Variants in TNRC6A observed in about 807,000 individuals in gnomAD.
The protein encoded by TNRC6A is trinucleotide repeat containing adaptor 6A.
A neutral mutation model predicts 221.2 loss-of-function variants in TNRC6A; 44 were observed. The ratio of observed to expected loss-of-function variants is 0.20; its 90% CI spans 0.16 to 0.26. TNRC6A has a LOEUF of 0.26. TNRC6A is among the 10% of genes least tolerant of loss of function. TNRC6A has a pLI of 1.00. For missense variants in TNRC6A, 2,199 were observed against 2,404.4 expected (o/e 0.91, Z 1.79); for synonymous variants, 847 against 838.5 (o/e 1.01, Z -0.18).
intron 2 of TNRC6A, among the ~76,000 whole-genome samples, chr16:24,702,976 A>C (rs2056018145): frequency 6.6e-6 from 1 of 152,080 alleles, no homozygotes; most frequent in Non-Finnish European, 1.5e-5. Context: ...CAGAGCTTGC[A>C]GTGAGCCGAG....
Position 24,682,727 on chromosome 16 carries a change from C to T in TNRC6A, n.402+41718C>T, listed in dbSNP as rs368546835. ...AAATGTGACTTTAAGGCAGCCAGCACGCAGAATGACCGCAGAGAAGCAGCC... is the reference window on the plus strand; with the variant it reads ...AAATGTGACTTTAAGGCAGCCAGCATGCAGAATGACCGCAGAGAAGCAGCC... On this transcript the variant is annotated intron_variant and non_coding_transcript_variant, in intron 2 of 2. Coordinates refer to the TNRC6A transcript ENST00000566108. 9.7e-4 allele frequency among the ~76,000 whole-genome samples: 147 copies of T among 152,142 alleles called. 1 individual carries two copies. Among genetic ancestry groups the T allele is most frequent in the Middle Eastern group, 3.4e-3 (1 of 294 alleles).
chr16:24,632,371 G>A (rs552374441), intron 1 of TNRC6A, among the ~76,000 whole-genome samples: 12 of 152,036 alleles, frequency 7.9e-5, no homozygotes, highest in East Asian at 3.9e-4. Flanking sequence ...TTCCACCACC[G>A]TCCACCTAGT....
intron 2 of TNRC6A, among the ~76,000 whole-genome samples, chr16:24,721,041 C>T (rs1172332345): frequency 6.6e-6 from 1 of 151,966 alleles, no homozygotes; most frequent in Non-Finnish European, 1.5e-5. Flanking sequence ...GGTGACAGAG[C>T]GAGACTGTCT....
At chr16:24,771,561 T>TATGTTATGTTTTATGTTATGTTATGTTG (rs1555502085) in intron 4 of TNRC6A, among the ~76,000 whole-genome samples, 32 of 99,168 alleles carry the variant, frequency 3.2e-4, no homozygotes, top group African/African-American at 1.1e-3. Flanking sequence ...TATGTTATGT[T>TATGTTATGTTTTATGTTATGTTATGTTG]TTATGTTATG....
intron 5 of TNRC6A, among the ~76,000 whole-genome samples, chr16:24,784,223 G>A (rs1386441655): frequency 1.3e-5 from 2 of 152,138 alleles, no homozygotes; most frequent in Non-Finnish European, 2.9e-5. Flanking sequence ...GCTGGCCCCA[G>A]GCTCTTGACC....
intron 1 of TNRC6A, among the ~76,000 whole-genome samples, chr16:24,633,980 A>G (rs1901489943): frequency 6.6e-6 from 1 of 151,560 alleles, no homozygotes; most frequent in South Asian, 2.1e-4. Flanking sequence ...TGGTTTTGCC[A>G]TGTTGACCAG....
intron 5 of TNRC6A, among the ~76,000 whole-genome samples, chr16:24,781,043 CTTTTTT>C (rs35502747): frequency 3.7e-4 from 20 of 53,426 alleles, no homozygotes; most frequent in East Asian, 2.1e-3. Flanking sequence ...CCTCCATACT[CTTTTTT>C]TTTTTTTTTT....
At chr16:24,738,280 C>T (rs1396295070) in intron 2 of TNRC6A, among the ~76,000 whole-genome samples, 2 of 152,144 alleles carry the variant, frequency 1.3e-5, no homozygotes, top group East Asian at 3.8e-4. Flanking sequence ...TAAATAACAG[C>T]TTTATTCAGA....
chr16:24,680,571 G>A (rs1471233778), intron 2 of TNRC6A, among the ~76,000 whole-genome samples: 1 of 151,896 alleles, frequency 6.6e-6, no homozygotes, highest in African/African-American at 2.4e-5. Context: ...ACAAAAATTA[G>A]CTGGGTGTGG....
chr16:24,809,784 A>G (rs1438831259), intron 18 of TNRC6A, among the ~76,000 whole-genome samples: 1 of 152,112 alleles, frequency 6.6e-6, no homozygotes, highest in African/African-American at 2.4e-5. Flanking sequence ...TACACTTATT[A>G]ACATTTACTG....
chr16:24,715,731 C>T (rs545164566), intron 2 of TNRC6A, among the ~76,000 whole-genome samples: 74 of 151,480 alleles, frequency 4.9e-4, no homozygotes, highest in African/African-American at 1.8e-3. Flanking sequence ...GATTCTTCTG[C>T]TTCTGCCTCC....
At chr16:24,687,843 G>GGAAGAAGAA (rs758957416) in intron 2 of TNRC6A, among the ~76,000 whole-genome samples, 6,950 of 101,758 alleles carry the variant, frequency 0.068, 581 homozygotes, top group African/African-American at 0.12. Flanking sequence ...AAGAGGAAGA[G>GGAAGAAGAA]GAAGAAGAAG....
chr16:24,709,114 G>A (rs996974254), intron 2 of TNRC6A, among the ~76,000 whole-genome samples: 30 of 152,154 alleles, frequency 2.0e-4, no homozygotes, highest in African/African-American at 6.0e-4. Flanking sequence ...ACAATTAGCC[G>A]GGCGTGGTGG....
chr16:24,823,459 T>C lies in TNRC6A; in HGVS notation c.5541T>C (p.Leu1847=). Residue 1847 remains leucine (L), a synonymous_variant, in exon 25 of 25, where the codon CTT becomes CTC. Coordinates refer to ENST00000395799, the MANE Select transcript of TNRC6A (RefSeq NM_014494.4). The surrounding 1 kb of genome is among the most constrained non-coding windows in gnomAD (Gnocchi z 4.3). ...HMCVLGNTTI[L]AEFASEEEIS... is the part of the protein sequence containing the mutation. ...GTGTACTGGGGAACACTACTATTCT[T>C]GCTGAGTTTGCCAGTGAAGAGGAGA... 1.2e-6 allele frequency: 2 copies of C among 1,613,774 alleles called. No individual in the cohort carries two copies.
rs895599757 is a variant in TNRC6A, at chr16:24,822,732, C to G, written c.5374-142C>G. 4.2e-6 allele frequency: 5 copies of G among 1,182,858 alleles called. No homozygotes were observed. In the African/African-American group the frequency reaches 7.6e-5, roughly 18 times the overall value. 73.3% of individuals were successfully genotyped at this position (1,182,858 alleles called of 1,614,324 possible). On this transcript the variant is annotated intron_variant, in intron 23 of 24. Coordinates refer to ENST00000395799, the MANE Select transcript of TNRC6A (RefSeq NM_014494.4). ...AAGATGGCTCTGCACCCCGTCAGAGCAACGTCAGAGTGTCAGTGAAGAGTG... is the reference window on the plus strand; with the variant it reads ...AAGATGGCTCTGCACCCCGTCAGAGGAACGTCAGAGTGTCAGTGAAGAGTG...
chr16:24,653,861 G>A (rs1198977997), intron 2 of TNRC6A, among the ~76,000 whole-genome samples: 1 of 152,034 alleles, frequency 6.6e-6, no homozygotes, highest in African/African-American at 2.4e-5. Flanking sequence ...AGACCTCTCT[G>A]AAGAGATAAT....
At chr16:24,660,927 G>C (rs1187384266) in intron 2 of TNRC6A, among the ~76,000 whole-genome samples, 1 of 151,648 alleles carries the variant, frequency 6.6e-6, no homozygotes, top group African/African-American at 2.4e-5. Context: ...ATTTTTAGTA[G>C]AGACGGGGTT....
chr16:24,610,803 C>T (rs557707879), intron 1 of TNRC6A, among the ~76,000 whole-genome samples: 9 of 151,962 alleles, frequency 5.9e-5, no homozygotes, highest in African/African-American at 2.2e-4. Flanking sequence ...CACCCCCTGC[C>T]CTCAGATTTA....
At chr16:24,806,327 A>G (rs367925057) in intron 16 of TNRC6A, 44 bp downstream of exon 16, 28 of 1,604,832 alleles carry the variant, frequency 1.7e-5, no homozygotes, top group Non-Finnish European at 2.2e-5. Flanking sequence ...TTGTGTTAAT[A>G]AACTCTGCTT....
Sources: allele counts gnomAD v4.1 joint callset (sites outside exome capture counted in the v4.1 genomes callset), GRCh38; gene constraint gnomAD v4.1.1; non-coding constraint Gnocchi (gnomAD v3.1); transcripts MANE v1.5; gene names NCBI Gene and HGNC (gene_info 2026-07-23, HGNC 2026-07-21).